XKR6: variants seen among roughly 807,000 people sequenced by gnomAD.
XKR6 encodes XK related 6.
Under a neutral mutation model 56.7 loss-of-function variants are expected in XKR6, and 22 were observed. The ratio of observed to expected loss-of-function variants is 0.39; its 90% CI spans 0.28 to 0.55. The LOEUF (loss-of-function observed/expected upper bound fraction) is 0.55. Among genes scored for constraint, XKR6 ranks in the 20% least tolerant of loss-of-function variants. The pLI is 0.66. For missense variants in XKR6, 852 were observed against 889.0 expected (o/e 0.96, Z 0.53); for synonymous variants, 524 against 387.8 (o/e 1.35, Z -4.13).
intron 2 of XKR6, among the ~76,000 whole-genome samples, chr8:10,905,589 G>T (rs1462873912): frequency 1.3e-5 from 2 of 152,166 alleles, no homozygotes; most frequent in African/African-American, 4.8e-5. Flanking sequence ...GCCCCAGACA[G>T]GACACAGGCT....
At chr8:11,138,540 T>A (rs1028697084) in intron 1 of XKR6, 5 of 152,238 alleles carry the variant, frequency 3.3e-5, no homozygotes, top group African/African-American at 1.2e-4. Context: ...GATTTCAGAT[T>A]CCTACTAAAA....
chr8:10,989,769 A>G (rs542377163), intron 1 of XKR6, among the ~76,000 whole-genome samples: 2 of 152,346 alleles, frequency 1.3e-5, no homozygotes, highest in East Asian at 3.9e-4. Flanking sequence ...TTTTGGTGAC[A>G]TGGGAGGCAA....
At chr8:10,979,973 C>T (rs1797690914) in intron 1 of XKR6, among the ~76,000 whole-genome samples, 1 of 152,238 alleles carries the variant, frequency 6.6e-6, no homozygotes, top group East Asian at 1.9e-4. Context: ...TCACACACCA[C>T]AACCCAACCC....
At chr8:11,127,899 C>T (rs761423444) in intron 1 of XKR6, among the ~76,000 whole-genome samples, 6 of 152,144 alleles carry the variant, frequency 3.9e-5, no homozygotes, top group African/African-American at 1.2e-4. Context: ...TGAAGCAATA[C>T]GATTTTATCT....
chr8:10,950,078 G>C (rs759682066), intron 1 of XKR6, among the ~76,000 whole-genome samples: 1 of 152,170 alleles, frequency 6.6e-6, no homozygotes, highest in South Asian at 2.1e-4. Context: ...GCATGCACAC[G>C]TGACACATGG....
chr8:11,118,027 A>C (rs1799264757), intron 1 of XKR6, among the ~76,000 whole-genome samples: 2 of 152,180 alleles, frequency 1.3e-5, no homozygotes, highest in African/African-American at 4.8e-5. Context: ...CAACTTTTTG[A>C]AGAATAATGA....
At chr8:11,177,221 C>A (rs1360998607) in intron 1 of XKR6, among the ~76,000 whole-genome samples, 1 of 152,208 alleles carries the variant, frequency 6.6e-6, no homozygotes, top group African/African-American at 2.4e-5. Context: ...CCCACAGCTA[C>A]AAAGACTCTT....
At chr8:10,911,307 G>T (rs1800355226) in intron 2 of XKR6, among the ~76,000 whole-genome samples, 1 of 140,906 alleles carries the variant, frequency 7.1e-6, no homozygotes, top group African/African-American at 2.7e-5. Flanking sequence ...TATATGTGTA[G>T]AGAGAGAGGG....
intron 1 of XKR6, among the ~76,000 whole-genome samples, chr8:11,182,647 T>A (rs1803055328): frequency 6.6e-6 from 1 of 152,256 alleles, no homozygotes. Context: ...CGTTCATTTG[T>A]GTGTTTCAAG....
chr8:10,984,724 C>CTA (rs1393662292), intron 1 of XKR6, among the ~76,000 whole-genome samples: 65 of 74,878 alleles, frequency 8.7e-4, no homozygotes, highest in South Asian at 2.0e-3. Context: ...CTCTCTCTCT[C>CTA]TCTCTCTCTA....
chr8:10,924,647 G>C lies in XKR6; in HGVS notation c.948C>G (p.Ala316=). ...GCGGGCACTCACAGGGCAGGGTCTC[G>C]GCGCTGTTCTTCTGGAGCATGATGT... The part of the protein sequence containing the change: ...QLYIMLQKNS[A]ETLPCVSSVT... The change falls in exon 2 of 3, where the codon GCC becomes GCG. Residue 316 remains alanine (A), a synonymous_variant. Transcript: ENST00000416569. The C allele has an allele frequency of 6.2e-7, 1 of 1,605,426 alleles. No homozygotes were observed. The highest frequency in any genetic ancestry group is 8.5e-7 in the Non-Finnish European group (1 of 1,174,368).
chr8:11,052,494 G>C (rs1427380977), intron 1 of XKR6, among the ~76,000 whole-genome samples: 1 of 152,230 alleles, frequency 6.6e-6, no homozygotes, highest in African/African-American at 2.4e-5. Context: ...CTGGCATGCA[G>C]ATGGCGCGAG....
chr8:11,031,605 G>T (rs1798994617), intron 1 of XKR6, among the ~76,000 whole-genome samples: 1 of 152,202 alleles, frequency 6.6e-6, no homozygotes, highest in Non-Finnish European at 1.5e-5. Context: ...GCTGAGAAGG[G>T]GCTGTCCTCT....
chr8:11,033,115 A>G (rs1799033362), intron 1 of XKR6, among the ~76,000 whole-genome samples: 2 of 150,846 alleles, frequency 1.3e-5, no homozygotes, highest in African/African-American at 5.0e-5. Context: ...GAGGATGAAG[A>G]TTATCACGAT....
intron 1 of XKR6, among the ~76,000 whole-genome samples, chr8:11,023,607 G>A (rs938720045): frequency 6.6e-6 from 1 of 152,200 alleles, no homozygotes; most frequent in Admixed American, 6.5e-5. Context: ...ATCTGTGGGG[G>A]CCACTTGAGG....
chr8:10,961,341 C>T (rs1011249855), intron 1 of XKR6, among the ~76,000 whole-genome samples: 3 of 152,160 alleles, frequency 2.0e-5, no homozygotes, highest in Admixed American at 6.5e-5. Flanking sequence ...GAGGAGGTGG[C>T]GGCTTGAGTG....
intron 1 of XKR6, among the ~76,000 whole-genome samples, chr8:11,037,108 C>G (rs1194018211): frequency 6.6e-6 from 1 of 152,220 alleles, no homozygotes; most frequent in Non-Finnish European, 1.5e-5. Context: ...AGAAATAACA[C>G]AACACTTCTC....
At chr8:10,985,913 G>A (rs987030313) in intron 1 of XKR6, among the ~76,000 whole-genome samples, 1 of 152,194 alleles carries the variant, frequency 6.6e-6, no homozygotes, top group Non-Finnish European at 1.5e-5. Context: ...GCCAGAACCA[G>A]TGGATTTTTA....
At chr8:11,080,564 G>C (rs75399630) in intron 1 of XKR6, among the ~76,000 whole-genome samples, 3,116 of 148,734 alleles carry the variant, frequency 0.021, 105 homozygotes, top group African/African-American at 0.071. Flanking sequence ...TCTGTCCCCA[G>C]TTCATCATCA....
Sources: gnomAD v4.1 joint callset for allele counts (sites outside exome capture counted in the v4.1 genomes callset) on GRCh38, gnomAD v4.1.1 for gene constraint, MANE v1.5 for transcripts, NCBI Gene and HGNC (gene_info 2026-07-23, HGNC 2026-07-21) for gene names.